The following EPB41L4B variants were observed in gnomAD, a reference collection of about 807,000 sequenced individuals.
The protein encoded by EPB41L4B is erythrocyte membrane protein band 4.1 like 4B.
EPB41L4B carries 30 observed loss-of-function variants against 112.5 expected under a neutral mutation model. The ratio of observed to expected loss-of-function variants is 0.27; its 90% confidence interval spans 0.20 to 0.36. The LOEUF (loss-of-function observed/expected upper bound fraction) is 0.36, where lower values mean the gene tolerates loss of function less well. EPB41L4B is among the 10% of genes least tolerant of loss of function. The probability of loss-of-function intolerance (pLI) is 1.00; values close to 1 mark genes in which losing one functional copy is unlikely to be tolerated. For synonymous variants in EPB41L4B, 408 were observed against 439.7 expected (o/e 0.93, Z 0.90); for missense variants, 1,024 against 1,133.3 (o/e 0.90, Z 1.38).
chr9:109,222,674 G>A (rs1258224301), intron 15 of EPB41L4B, among the ~76,000 whole-genome samples: 4 of 152,154 alleles, frequency 2.6e-5, no homozygotes, highest in Non-Finnish European at 5.9e-5. Flanking sequence ...TTTTCAGGGT[G>A]GGTGACAGAG....
Position 109,200,218 on chromosome 9 carries a change from T to A in EPB41L4B, c.2045+18A>T. 6.3e-7 allele frequency: 1 copy of A among 1,594,060 alleles called. No individual in the cohort carries two copies. The highest frequency in any genetic ancestry group is 1.3e-5 in the African/African-American group (1 of 74,632). On this transcript the variant is annotated intron_variant, in intron 20 of 25. Coordinates refer to ENST00000374566, the MANE Select transcript of EPB41L4B (RefSeq NM_019114.5). ...ATCATAGTTGTTTTAATTGAAAAAG[T>A]TGCAGTACAGAACTCACAAACTATA...
rs112014965 is a variant in EPB41L4B, at chr9:109,291,962, C to T, written c.307-12041G>A. Among the ~76,000 whole-genome samples, 238 of 152,312 alleles carry T rather than the reference C, an allele frequency of 1.6e-3. 1 individual carries two copies. The highest frequency in any genetic ancestry group is 2.7e-3 in the Non-Finnish European group (187 of 68,026). ...CCTCTGTTCCAGGCCAATAAACTGT[C>T]CTTAGGCCATGCTGTATTTAGATCT... On this transcript the variant is annotated intron_variant, in intron 1 of 25. Coordinates refer to ENST00000374566, the MANE Select transcript of EPB41L4B (RefSeq NM_019114.5).
At chr9:109,226,607 CAT>C (rs3081622) in intron 15 of EPB41L4B, among the ~76,000 whole-genome samples, 16,476 of 90,676 alleles carry the variant, frequency 0.18, 1,323 homozygotes, top group Middle Eastern at 0.32. Context: ...TTGGATTTTT[CAT>C]ATATATATAT....
chr9:109,201,382 C>T (rs1030380443), intron 19 of EPB41L4B, among the ~76,000 whole-genome samples: 10 of 143,666 alleles, frequency 7.0e-5, no homozygotes, highest in African/African-American at 1.8e-4. Flanking sequence ...CCCAGGAGGT[C>T]GAGGCTGCAA....
At chr9:109,204,802 C>T (rs1398528853) in intron 18 of EPB41L4B, among the ~76,000 whole-genome samples, 1 of 152,092 alleles carries the variant, frequency 6.6e-6, no homozygotes, top group Admixed American at 6.6e-5. Flanking sequence ...CAGCCAAAGC[C>T]TTTTTTAGAG....
At chr9:109,291,765 C>A (rs1169109693) in intron 1 of EPB41L4B, among the ~76,000 whole-genome samples, 1 of 152,150 alleles carries the variant, frequency 6.6e-6, no homozygotes, top group East Asian at 1.9e-4. Flanking sequence ...GACCAGGGCC[C>A]TCCTCACTCC....
At chr9:109,301,068 C>T (rs746380427) in intron 1 of EPB41L4B, 1 of 152,220 alleles carries the variant, frequency 6.6e-6, no homozygotes, top group Non-Finnish European at 1.5e-5. Flanking sequence ...TTCCACATCA[C>T]TAATGATATT....
Position 109,213,753 on chromosome 9 carries a change from C to T in EPB41L4B, c.1699G>A (p.Glu567Lys), listed in dbSNP as rs1226609913. 6.2e-7 allele frequency: 1 copy of T among 1,614,054 alleles called. No homozygotes were observed. The highest frequency in any genetic ancestry group is 2.2e-5 in the East Asian group (1 of 44,884). ...CAGGGTCCAGCAGCCTTCACAGTTT[C>T]CAGTTCCAGCTTCTTTAGATGGGCA... is the stretch of plus-strand genomic sequence containing the variant. ...AAAHLKKLEL[E>K]TVKAAGPWPP... Residue 567 changes from glutamate to lysine, a missense_variant, in exon 17 of 26, where the codon GAA becomes AAA. Transcript: ENST00000374566.
intron 15 of EPB41L4B, among the ~76,000 whole-genome samples, chr9:109,238,083 G>A (rs1483189308): frequency 6.6e-6 from 1 of 152,142 alleles, no homozygotes; most frequent in Non-Finnish European, 1.5e-5. Context: ...AGGCTGCTTG[G>A]TTAAACTCTA....
intron 1 of EPB41L4B, among the ~76,000 whole-genome samples, chr9:109,306,600 G>A (rs965224597): frequency 3.0e-4 from 37 of 125,050 alleles, no homozygotes; most frequent in African/African-American, 1.1e-3. Flanking sequence ...GCAACAGAGC[G>A]AGCAAAAAAA....
chr9:109,270,698 C>T lies in EPB41L4B; in HGVS notation c.412-2265G>A, dbSNP rs560197400. On this transcript the variant is annotated intron_variant, in intron 2 of 25. Transcript: ENST00000374566. ...TTAAAGGAGCTTGTTCCATTTCTTT[C>T]CTTTCTTTAGTCTTCTCACCACCAT... Among the ~76,000 whole-genome samples the T allele has an allele frequency of 7.9e-5, 12 of 152,304 alleles. No individual in the cohort carries two copies. The East Asian group carries it at 1.3e-3, about 17-fold the overall frequency.
At chr9:109,242,847 T>TA (rs11292845) in intron 15 of EPB41L4B, among the ~76,000 whole-genome samples, 73 of 127,126 alleles carry the variant, frequency 5.7e-4, no homozygotes, top group Non-Finnish European at 7.6e-4. Flanking sequence ...AAGCTAGCCT[T>TA]AAAAAAAAAA....
intron 15 of EPB41L4B, among the ~76,000 whole-genome samples, chr9:109,226,607 CATAT>C (rs3081622): frequency 3.4e-4 from 31 of 90,822 alleles, no homozygotes; most frequent in African/African-American, 5.6e-4. Context: ...TTGGATTTTT[CATAT>C]ATATATATAT....
At chr9:109,176,031 TTGTCAATATCACACACACGCACA>T (rs1564244103) in intron 25 of EPB41L4B, among the ~76,000 whole-genome samples, 8 of 55,750 alleles carry the variant, frequency 1.4e-4, no homozygotes, top group African/African-American at 4.8e-4. Context: ...TCCCTATCCC[TTGTCAATATCACACACACGCACA>T]CACACACACA....
intron 15 of EPB41L4B, among the ~76,000 whole-genome samples, chr9:109,221,829 G>T (rs1393532398): frequency 6.6e-6 from 1 of 152,226 alleles, no homozygotes; most frequent in East Asian, 1.9e-4. Context: ...TGGAGGTGGA[G>T]TTGGAAAGCT....
chr9:109,253,193 G>GGCA (rs1834857280), intron 12 of EPB41L4B, among the ~76,000 whole-genome samples: 1 of 152,106 alleles, frequency 6.6e-6, no homozygotes, highest in South Asian at 2.1e-4. Context: ...GAAGCAAAGA[G>GGCA]GCACATGGAA....
intron 24 of EPB41L4B, among the ~76,000 whole-genome samples, chr9:109,181,822 T>A (rs764748660): frequency 6.6e-6 from 1 of 152,108 alleles, no homozygotes; most frequent in Non-Finnish European, 1.5e-5. Context: ...CTATTCACAA[T>A]AGCCAAAAGG....
chr9:109,304,072 A>G (rs958611073), intron 1 of EPB41L4B, among the ~76,000 whole-genome samples: 2 of 152,194 alleles, frequency 1.3e-5, no homozygotes, highest in Non-Finnish European at 2.9e-5. Flanking sequence ...GACCTTGATG[A>G]GGTAATTTAA....
rs537801806 is a variant in EPB41L4B, at chr9:109,175,826, G to A, written c.2633+725C>T. On this transcript the variant is annotated intron_variant, in intron 25 of 25. Coordinates refer to ENST00000374566, the MANE Select transcript of EPB41L4B (RefSeq NM_019114.5). ...TTGTCATTCACTCTGCTCTGGCCACGCTGGCCCCTTAAACTTCCGTAACCA... is the reference window on the plus strand; with the variant it reads ...TTGTCATTCACTCTGCTCTGGCCACACTGGCCCCTTAAACTTCCGTAACCA... Among the ~76,000 whole-genome samples the A allele has an allele frequency of 1.5e-3, 229 of 152,194 alleles. 4 individuals carry two copies. Among genetic ancestry groups the A allele is most frequent in the Non-Finnish European group, 2.8e-4 (19 of 68,014 alleles).
Sources: gnomAD v4.1 joint callset for allele counts (sites outside exome capture counted in the v4.1 genomes callset) on GRCh38, gnomAD v4.1.1 for gene constraint, MANE v1.5 for transcripts, NCBI Gene and HGNC (gene_info 2026-07-23, HGNC 2026-07-21) for gene names.